Variants in KLHL32 observed in about 807,000 individuals in gnomAD.
KLHL32 encodes the protein kelch like family member 32.
Under a neutral mutation model 64.8 loss-of-function variants are expected in KLHL32, and 35 were observed. The observed-to-expected ratio is 0.54, with a 90% CI of 0.41 to 0.72. The LOEUF (loss-of-function observed/expected upper bound fraction) is 0.72, where lower values mean the gene tolerates loss of function less well. KLHL32 is among the 30% of genes least tolerant of loss of function. The probability of loss-of-function intolerance (pLI) is 0.00; values close to 1 mark genes in which losing one functional copy is unlikely to be tolerated. For missense variants in KLHL32, 589 were observed against 768.5 expected (o/e 0.77, Z 2.76); for synonymous variants, 259 against 281.0 (o/e 0.92, Z 0.78).
At chr6:97,014,713 A>C (rs1173533025) in intron 3 of KLHL32, among the ~76,000 whole-genome samples, 1 of 152,212 alleles carries the variant, frequency 6.6e-6, no homozygotes, top group Non-Finnish European at 1.5e-5. Flanking sequence ...AGGGAAGTAA[A>C]GTAACCCAGC....
intron 1 of KLHL32, among the ~76,000 whole-genome samples, chr6:96,933,570 G>T (rs932379195): frequency 4.6e-5 from 7 of 152,178 alleles, no homozygotes; most frequent in Admixed American, 2.6e-4. Context: ...TCTTAGATGT[G>T]ATTCATTTCC....
chr6:96,916,591 C>G, the KLHL32 span, among the ~76,000 whole-genome samples: 2 of 152,176 alleles, frequency 1.3e-5, no homozygotes, highest in Non-Finnish European at 2.9e-5. Flanking sequence ...GTCCTTGGGT[C>G]AAACTGCTTC....
At chr6:97,008,836 G>A (rs772511119) in intron 3 of KLHL32, among the ~76,000 whole-genome samples, 4 of 152,096 alleles carry the variant, frequency 2.6e-5, no homozygotes, top group Non-Finnish European at 5.9e-5. Flanking sequence ...TCTGCTCAGA[G>A]AGTATTTCAT....
intron 3 of KLHL32, among the ~76,000 whole-genome samples, chr6:97,010,575 G>C (rs2050155): frequency 0.25 from 37,274 of 151,920 alleles, 5,909 homozygotes; most frequent in East Asian, 0.53. Flanking sequence ...TATCCCTCAT[G>C]TTTCCTCAAT....
chr6:97,101,572 G>C (rs1247903065), intron 6 of KLHL32, among the ~76,000 whole-genome samples: 1 of 152,166 alleles, frequency 6.6e-6, no homozygotes, highest in Non-Finnish European at 1.5e-5. Flanking sequence ...GCTGAGTATT[G>C]TACAAAAACA....
In KLHL32 at chr6:97,113,908, C is replaced by T. The variant is rs147162226; in HGVS notation, c.753C>T (p.Val251=). 10,328 of 1,614,062 alleles carry T rather than the reference C, an allele frequency of 6.4e-3. 107 individuals carry two copies. The highest frequency in any genetic ancestry group is 5.6e-3 in the Non-Finnish European group (6,631 of 1,180,026). ...CAGTTGCCCTGTCCCACCCCCTTGT[C>T]CAAGCAAGTGAGACTGCAACAGCCC... ...LHTVALSHPL[V]QASETATALV... is the part of the protein sequence containing the mutation. Residue 251 remains valine, a synonymous_variant, in exon 7 of 11, where the codon GTC becomes GTT. Coordinates refer to ENST00000369261, the MANE Select transcript of KLHL32 (RefSeq NM_052904.4).
chr6:97,073,782 G>A (rs1791144943), intron 5 of KLHL32, among the ~76,000 whole-genome samples: 1 of 152,174 alleles, frequency 6.6e-6, no homozygotes, highest in Admixed American at 6.5e-5. Flanking sequence ...CTATCCATGT[G>A]TCTCATTTCC....
rs978515602 is a variant in KLHL32 at position 97,004,378 on chromosome 6, G to A, written c.204+28201G>A. On this transcript the variant is annotated intron_variant, in intron 3 of 10. Transcript: ENST00000369261. Reference sequence around the variant, plus strand: ...TATCAGATGTCAGAACTTTTGGGCAGAGGCTATGTGAGGTTTTCTAAGTAT... The same window carrying A: ...TATCAGATGTCAGAACTTTTGGGCAAAGGCTATGTGAGGTTTTCTAAGTAT... Among the ~76,000 whole-genome samples the A allele has an allele frequency of 3.3e-5, 5 of 152,276 alleles. No homozygotes were observed. The South Asian group carries it at 1.0e-3, about 32-fold the overall frequency.
chr6:96,964,923 A>T (rs1774285554), intron 1 of KLHL32, among the ~76,000 whole-genome samples: 1 of 152,152 alleles, frequency 6.6e-6, no homozygotes, highest in Admixed American at 6.5e-5. Context: ...GGTATATTGC[A>T]TGATGCTGAG....
chr6:96,980,640 G>A (rs920760214), intron 3 of KLHL32, among the ~76,000 whole-genome samples: 1 of 152,034 alleles, frequency 6.6e-6, no homozygotes, highest in African/African-American at 2.4e-5. Context: ...TTGTGTCTCT[G>A]CCAGGTTTTG....
rs139322896 is a variant in KLHL32 at position 97,079,237 on chromosome 6, C to T, written c.412-5889C>T. On this transcript the variant is annotated intron_variant, in intron 5 of 10. Transcript: ENST00000369261. ...CCTGCATAATTGAGATATTGAGAGA[C>T]ACCGCAAAGGCCATGGCCACTCTGC... is the stretch of plus-strand genomic sequence containing the variant. 3.3e-5 allele frequency among the ~76,000 whole-genome samples: 5 copies of T among 152,280 alleles called. No homozygotes were observed. In the East Asian group the frequency reaches 9.7e-4, roughly 29 times the overall value.
intron 4 of KLHL32, among the ~76,000 whole-genome samples, chr6:97,057,556 T>G (rs57614070): frequency 7.2e-6 from 1 of 139,116 alleles, no homozygotes; most frequent in African/African-American, 2.9e-5. Flanking sequence ...TACACCCCCC[T>G]CCCGCCCCCA....
chr6:96,901,470 T>G, the KLHL32 span, among the ~76,000 whole-genome samples: 2 of 152,182 alleles, frequency 1.3e-5, no homozygotes, highest in Admixed American at 6.5e-5. Flanking sequence ...CGTAACACCC[T>G]TATGATTACA....
chr6:96,965,696 A>T (rs945988099), intron 1 of KLHL32, among the ~76,000 whole-genome samples: 1 of 152,194 alleles, frequency 6.6e-6, no homozygotes. Context: ...CTGTAGCAAC[A>T]TTAGGTTGCT....
intron 4 of KLHL32, among the ~76,000 whole-genome samples, chr6:97,054,937 TA>T (rs1012629834): frequency 1.3e-5 from 2 of 151,876 alleles, no homozygotes; most frequent in Non-Finnish European, 1.5e-5. Flanking sequence ...AGATCCTGTC[TA>T]AAAAAAATAT....
chr6:97,043,695 T>C (rs1484486734), intron 4 of KLHL32, among the ~76,000 whole-genome samples: 1 of 152,190 alleles, frequency 6.6e-6, no homozygotes, highest in Non-Finnish European at 1.5e-5. Flanking sequence ...GCACAAAGGT[T>C]TTTCTCCACA....
chr6:96,987,702 A>T (rs144019025), intron 3 of KLHL32, among the ~76,000 whole-genome samples: 1,688 of 152,346 alleles, frequency 0.011, 41 homozygotes, highest in African/African-American at 0.039. Flanking sequence ...ACTTCAAACT[A>T]TACTGCAAGG....
chr6:97,127,271 A>G (rs901342948), intron 7 of KLHL32, 133 bp from the exon 8 acceptor site: 24 of 692,628 alleles, frequency 3.5e-5, no homozygotes, highest in Non-Finnish European at 6.0e-5. Context: ...TAATTATGTC[A>G]TGGGCTCACC....
At chr6:97,029,795 A>C (rs1289162255) in intron 3 of KLHL32, among the ~76,000 whole-genome samples, 1 of 152,238 alleles carries the variant, frequency 6.6e-6, no homozygotes, top group Admixed American at 6.5e-5. Flanking sequence ...TGTAACCAAA[A>C]TGTAATAAAG....
Sources: allele counts gnomAD v4.1 joint callset (sites outside exome capture counted in the v4.1 genomes callset), GRCh38; gene constraint gnomAD v4.1.1; transcripts MANE v1.5; gene names NCBI Gene and HGNC (gene_info 2026-07-23, HGNC 2026-07-21).